The following L3MBTL4 variants were observed in gnomAD, a reference collection of about 807,000 sequenced individuals.
L3MBTL4 encodes L3MBTL histone methyl-lysine binding protein 4, also known as lethal(3)malignant brain tumor-like protein 4.
Under a neutral mutation model 84.5 loss-of-function variants are expected in L3MBTL4, and 70 were observed. The observed-to-expected ratio is 0.83, with a 90% CI of 0.68 to 1.01. L3MBTL4 has a LOEUF of 1.01. Among genes scored for constraint, L3MBTL4 ranks in the 50% least tolerant of loss-of-function variants. The pLI, the probability that L3MBTL4 is intolerant of heterozygous loss-of-function variation, is 0.00. For missense variants in L3MBTL4, 715 were observed against 754.8 expected (o/e 0.95, Z 0.62); for synonymous variants, 274 against 259.8 (o/e 1.05, Z -0.52).
intron 10 of L3MBTL4, among the ~76,000 whole-genome samples, chr18:6,228,657 T>A (rs199846970): frequency 6.6e-6 from 1 of 152,038 alleles, no homozygotes; most frequent in Non-Finnish European, 1.5e-5. Context: ...ATTAGGGAAA[T>A]GGCAAAACAA....
At chr18:6,085,196 T>C (rs1055847427) in intron 15 of L3MBTL4, among the ~76,000 whole-genome samples, 1 of 152,196 alleles carries the variant, frequency 6.6e-6, no homozygotes, top group Non-Finnish European at 1.5e-5. Flanking sequence ...TGAAAATGTT[T>C]ACTGCAGCAT....
intron 10 of L3MBTL4, among the ~76,000 whole-genome samples, chr18:6,218,960 GC>G: frequency 6.6e-6 from 1 of 152,026 alleles, no homozygotes; most frequent in Non-Finnish European, 1.5e-5. Context: ...ACAGGAGACC[GC>G]CCCATGGAAC....
intron 16 of L3MBTL4, among the ~76,000 whole-genome samples, chr18:6,049,392 CA>C (rs1306958661): frequency 2.6e-5 from 4 of 152,116 alleles, no homozygotes; most frequent in Admixed American, 2.6e-4. Context: ...TTAAACAAAT[CA>C]ACAAGCAAAA....
intron 16 of L3MBTL4, chr18:6,030,828 A>G: frequency 1.0e-6 from 1 of 985,360 alleles, no homozygotes. Context: ...AAACATTTTA[A>G]AACAGGCACA....
chr18:6,020,593 T>C (rs2055203086), intron 16 of L3MBTL4, among the ~76,000 whole-genome samples: 2 of 152,080 alleles, frequency 1.3e-5, no homozygotes, highest in African/African-American at 4.8e-5. Context: ...CACCATCCTG[T>C]AGTCAAAGTG....
At chr18:6,128,362 T>C (rs1190651151) in intron 14 of L3MBTL4, among the ~76,000 whole-genome samples, 1 of 151,854 alleles carries the variant, frequency 6.6e-6, no homozygotes, top group East Asian at 1.9e-4. Flanking sequence ...ACACCTCCCA[T>C]AAATAAAAGA....
chr18:6,011,953 A>G (rs1472185366), intron 16 of L3MBTL4, among the ~76,000 whole-genome samples: 1 of 152,246 alleles, frequency 6.6e-6, no homozygotes, highest in Non-Finnish European at 1.5e-5. Flanking sequence ...TCCGATTCCC[A>G]TTAGTAGTAA....
chr18:6,285,900 C>G (rs1197945174), intron 4 of L3MBTL4, among the ~76,000 whole-genome samples: 1 of 151,024 alleles, frequency 6.6e-6, no homozygotes, highest in Non-Finnish European at 1.5e-5. Flanking sequence ...GGTGCAATCT[C>G]GGCTCACTGC....
intron 12 of L3MBTL4, among the ~76,000 whole-genome samples, chr18:6,189,796 G>A (rs779805922): frequency 3.3e-5 from 5 of 151,914 alleles, no homozygotes; most frequent in Non-Finnish European, 5.9e-5. Context: ...AAAGGCAAGT[G>A]GCATAAAAGA....
At position 6,337,750 on chromosome 18, in the gene L3MBTL4, T is replaced by A. The variant is rs183896889; in HGVS notation, c.-90-25694A>T. ...TTCGATGAACTTTTACAGATATATG[T>A]TTAAGTTCAGCGACTAGTTTACTTA... On this transcript the variant is annotated intron_variant, in intron 1 of 18. Transcript: ENST00000317931. 1.6e-3 allele frequency among the ~76,000 whole-genome samples: 246 copies of A among 152,244 alleles called. 3 individuals are homozygous for A. The highest frequency in any genetic ancestry group is 5.4e-4 in the Non-Finnish European group (37 of 67,974).
At chr18:6,192,597 G>A (rs2045167905) in intron 12 of L3MBTL4, among the ~76,000 whole-genome samples, 1 of 152,158 alleles carries the variant, frequency 6.6e-6, no homozygotes, top group Non-Finnish European at 1.5e-5. Context: ...CAAGAGGAAT[G>A]GGAAATTTTA....
At chr18:6,410,209 C>T (rs1034453647) in intron 1 of L3MBTL4, among the ~76,000 whole-genome samples, 12 of 152,362 alleles carry the variant, frequency 7.9e-5, no homozygotes, top group African/African-American at 2.4e-4. Flanking sequence ...CCCCACAAAC[C>T]GCCTTAGGGG....
intron 14 of L3MBTL4, among the ~76,000 whole-genome samples, chr18:6,114,083 G>GAC (rs1304240561): frequency 6.6e-6 from 1 of 152,066 alleles, no homozygotes; most frequent in Non-Finnish European, 1.5e-5. Context: ...AACACACACA[G>GAC]ACACACACAC....
intron 16 of L3MBTL4, among the ~76,000 whole-genome samples, chr18:6,074,987 T>C (rs2057809761): frequency 6.6e-6 from 1 of 152,070 alleles, no homozygotes; most frequent in South Asian, 2.1e-4. Flanking sequence ...ATGGAGGCAA[T>C]TTCCTCAATC....
intron 16 of L3MBTL4, among the ~76,000 whole-genome samples, chr18:5,979,341 C>T (rs1281426027): frequency 6.6e-6 from 1 of 152,160 alleles, no homozygotes; most frequent in Non-Finnish European, 1.5e-5. Context: ...GGACACACAG[C>T]CAGCCCAGGG....
Position 6,194,979 on chromosome 18 carries a change from A to G in L3MBTL4, c.981+18170T>C, listed in dbSNP as rs371563839. Among the ~76,000 whole-genome samples the G allele has an allele frequency of 1.1e-4, 17 of 152,232 alleles. No homozygotes were observed. In the East Asian group the frequency reaches 2.9e-3, roughly 26 times the overall value. On this transcript the variant is annotated intron_variant, in intron 12 of 18. Transcript: ENST00000317931. ...GCCTCTTGCTAGCTAAGTGACCTTG[A>G]GCAACAGACTTATACAAGCTGATCT...
chr18:6,026,719 A>G (rs2055522323), intron 16 of L3MBTL4, among the ~76,000 whole-genome samples: 1 of 152,238 alleles, frequency 6.6e-6, no homozygotes, highest in Admixed American at 6.5e-5. Context: ...GACTGAGAGT[A>G]TGATTACAAA....
At chr18:6,352,989 A>G (rs955922122) in intron 1 of L3MBTL4, among the ~76,000 whole-genome samples, 1 of 152,224 alleles carries the variant, frequency 6.6e-6, no homozygotes, top group Non-Finnish European at 1.5e-5. Flanking sequence ...AATAAACTAA[A>G]TGAACAAAAT....
chr18:6,335,047 T>C (rs1405295148), intron 1 of L3MBTL4, among the ~76,000 whole-genome samples: 2 of 152,206 alleles, frequency 1.3e-5, no homozygotes, highest in East Asian at 3.8e-4. Flanking sequence ...CTTTCTAAAG[T>C]ATCAAGGCTC....
Sources: allele counts gnomAD v4.1 joint callset (sites outside exome capture counted in the v4.1 genomes callset), GRCh38; gene constraint gnomAD v4.1.1; transcripts MANE v1.5; gene names NCBI Gene and HGNC (gene_info 2026-07-23, HGNC 2026-07-21).